Variants in WEE2 observed in about 807,000 individuals in gnomAD.
WEE2 encodes wee1-like protein kinase 2.
Under a neutral mutation model 60.1 loss-of-function variants are expected in WEE2, and 50 were observed. That is an observed-to-expected ratio of 0.83 (90% CI 0.66 to 1.05). WEE2 has a LOEUF of 1.05. Ranked by LOEUF, WEE2 falls within the 50% of genes least tolerant of loss-of-function variation. The pLI is 0.00. For missense variants in WEE2, 631 were observed against 684.3 expected, an observed-to-expected ratio of 0.92 and a Z score of 0.87; for synonymous variants, 240 against 241.0, an observed-to-expected ratio of 1.00 and a Z score of 0.04.
intron 8 of WEE2, 64 bp from the exon 9 acceptor site, chr7:141,724,962 A>G (rs935299189): frequency 5.2e-6 from 8 of 1,546,686 alleles, no homozygotes; most frequent in Non-Finnish European, 6.1e-6. Context: ...CCTACCAGTT[A>G]TATTTTAATC....
chr7:141,725,351 G>A (rs561782024), intron 9 of WEE2, among the ~76,000 whole-genome samples, 155 bp downstream of exon 9: 1 of 152,302 alleles, frequency 6.6e-6, no homozygotes, highest in South Asian at 2.1e-4. Flanking sequence ...GCGGGTCCAG[G>A]CATGGTGGCT....
At chr7:141,723,520 TATTTA>T (rs1179275874) in intron 6 of WEE2, among the ~76,000 whole-genome samples, 1 of 152,138 alleles carries the variant, frequency 6.6e-6, no homozygotes, top group Non-Finnish European at 1.5e-5. Flanking sequence ...TAAAATTAGG[TATTTA>T]ATTTACTACA....
intron 5 of WEE2, among the ~76,000 whole-genome samples, chr7:141,721,524 T>A (rs1453736333): frequency 6.6e-6 from 1 of 151,450 alleles, no homozygotes; most frequent in Non-Finnish European, 1.5e-5. Context: ...AATGGTGTGA[T>A]CTCGGCTCAC....
Position 141,731,179 on chromosome 7 carries a change from TA to T in WEE2, c.*861del, listed in dbSNP as rs2117131659. ...CTTAGTGAATGCAACCTGTTAATGA[TA>T]ATGGCTTTTTCGCTGCTTGATTTTC... On this transcript the variant is annotated 3_prime_UTR_variant, in exon 12 of 12. Transcript: ENST00000397541. 6.6e-6 allele frequency: 1 copy of T among 152,334 alleles called. No individual in the cohort carries two copies. The highest frequency in any genetic ancestry group is 1.9e-4 in the East Asian group (1 of 5,188). 9.4% of individuals were successfully genotyped at this position (152,334 alleles called of 1,614,324 possible). A position where few individuals can be genotyped will look rare whatever the true frequency, so the allele number is the denominator to read the frequency against.
intron 5 of WEE2, among the ~76,000 whole-genome samples, chr7:141,722,116 T>C (rs1584743833): frequency 6.6e-6 from 1 of 152,154 alleles, no homozygotes; most frequent in East Asian, 1.9e-4. Flanking sequence ...TAATTAATAG[T>C]GTTCAGAGGC....
At chr7:141,719,383 A>C in intron 4 of WEE2, 139 bp downstream of exon 4, 26 of 800,804 alleles carry the variant, frequency 3.2e-5, no homozygotes, top group Non-Finnish European at 4.4e-5. Flanking sequence ...ATGTTATCTC[A>C]TATTCATAAC....
chr7:141,724,944 G>C, intron 8 of WEE2, 82 bp from the exon 9 acceptor site: 1 of 1,490,638 alleles, frequency 6.7e-7, no homozygotes, highest in Non-Finnish European at 9.1e-7. Context: ...GCACTCGAAT[G>C]AACCTTTCCT....
chr7:141,716,636 C>T (rs12669057), intron 3 of WEE2, among the ~76,000 whole-genome samples: 2,718 of 152,160 alleles, frequency 0.018, 89 homozygotes, highest in South Asian at 0.15. Flanking sequence ...AGTTGTAACT[C>T]TGCCAGGCAG....
In WEE2 at chr7:141,727,433, G is replaced by A; in HGVS notation, c.1522G>A (p.Ala508Thr). Residue 508 changes from alanine to threonine, a missense_variant, in exon 10 of 12, where the codon GCC becomes ACC. Ala to Thr is a moderately conservative substitution (Grantham distance 58, BLOSUM62 0). Transcript: ENST00000397541. ...GCTGAATTTGGAAAAGTTCAAGACT[G>A]CCACACTGGAAAGGTATATTTTTGG... is the stretch of plus-strand genomic sequence containing the variant. ...QQLNLEKFKT[A>T]TLERELREAQ... The A allele has an allele frequency of 1.2e-6, 2 of 1,614,112 alleles. No individual in the cohort carries two copies. Among genetic ancestry groups the A allele is most frequent in the Non-Finnish European group, 1.7e-6 (2 of 1,180,014 alleles).
chr7:141,723,285 G>A lies in WEE2; in HGVS notation c.1027+5G>A. On this transcript the variant is annotated splice_donor_5th_base_variant and intron_variant, in intron 6 of 11. Coordinates refer to ENST00000397541, the MANE Select transcript of WEE2 (RefSeq NM_001105558.1). ...TACACCTGGACATCAAACCTAGTCA[G>A]TGTGATTCCCTTCTGCCACTTCTAC... The A allele has an allele frequency of 6.2e-7, 1 of 1,612,382 alleles. No homozygotes were observed. Among genetic ancestry groups the A allele is most frequent in the South Asian group, 1.1e-5 (1 of 90,844 alleles).
intron 7 of WEE2, 21 bp from the exon 8 acceptor site, chr7:141,724,169 T>C (rs1409187759): frequency 1.9e-6 from 3 of 1,595,562 alleles, no homozygotes; most frequent in Admixed American, 3.7e-5. Context: ...TTTATTCTTT[T>C]TTCCTTTTTC....
intron 11 of WEE2, among the ~76,000 whole-genome samples, chr7:141,729,963 G>A (rs1799106866): frequency 6.7e-6 from 1 of 149,362 alleles, no homozygotes; most frequent in African/African-American, 2.5e-5. Flanking sequence ...ACTCCAGCCT[G>A]GGCAACAGAG....
chr7:141,710,037 C>T (rs1267435306), intron 1 of WEE2, among the ~76,000 whole-genome samples: 3 of 152,134 alleles, frequency 2.0e-5, no homozygotes, highest in Non-Finnish European at 4.4e-5. Context: ...ACCATGTATA[C>T]CAGGAAATTC....
In WEE2 at chr7:141,708,868, C is replaced by T. The variant is rs746485209; in HGVS notation, c.110C>T (p.Ser37Leu). 79 of 1,614,014 alleles carry T rather than the reference C, an allele frequency of 4.9e-5. No homozygotes were observed. Among genetic ancestry groups the T allele is most frequent in the Non-Finnish European group, 5.6e-5 (66 of 1,180,022 alleles). ...AAAGTAGAAGAAAGCAGGGAGGCTTCGAGCCAAACCCCAGAGAAGGGTGAA... is the reference window on the plus strand; with the variant it reads ...AAAGTAGAAGAAAGCAGGGAGGCTTTGAGCCAAACCCCAGAGAAGGGTGAA... ...QKKVEESREA[S>L]SQTPEKGEVQ... The change falls in exon 1 of 12, where the codon TCG becomes TTG. Residue 37 changes from serine (S) to leucine (L), a missense_variant. Ser to Leu is a moderately radical substitution (Grantham distance 145). Coordinates refer to ENST00000397541, the MANE Select transcript of WEE2 (RefSeq NM_001105558.1).
At chr7:141,726,279 ATTTTTAT>A (rs1191174775) in intron 9 of WEE2, among the ~76,000 whole-genome samples, 2 of 151,864 alleles carry the variant, frequency 1.3e-5, no homozygotes, top group Admixed American at 6.6e-5. Context: ...TTTTATTTTT[ATTTTTAT>A]TTTTTATTTT....
chr7:141,727,015 C>A lies in WEE2; in HGVS notation c.1393-289C>A, dbSNP rs377701693. Among the ~76,000 whole-genome samples the A allele has an allele frequency of 2.6e-5, 4 of 152,252 alleles. No homozygotes were observed. In the South Asian group the frequency reaches 8.3e-4, roughly 32 times the overall value. On this transcript the variant is annotated intron_variant, in intron 9 of 11. Coordinates refer to ENST00000397541, the MANE Select transcript of WEE2 (RefSeq NM_001105558.1). Reference sequence around the variant, plus strand: ...TTCCAGTAATTTGGATAATTTTTATCGAGAGTCTTAGTTTTTTCTGCTTTA... The same window carrying A: ...TTCCAGTAATTTGGATAATTTTTATAGAGAGTCTTAGTTTTTTCTGCTTTA...
intron 11 of WEE2, 92 bp from the exon 12 acceptor site, chr7:141,730,203 A>C: frequency 8.2e-7 from 1 of 1,219,000 alleles, no homozygotes; most frequent in Non-Finnish European, 1.2e-6. Context: ...GGTCCCAGAC[A>C]CAATAATTGG....
chr7:141,722,394 G>T (rs990824780), intron 5 of WEE2, among the ~76,000 whole-genome samples: 4 of 151,996 alleles, frequency 2.6e-5, no homozygotes, highest in Admixed American at 2.6e-4. Flanking sequence ...GACAGAGTGA[G>T]ACTCCGTCTC....
chr7:141,712,888 A>G (rs1798731366), intron 1 of WEE2, among the ~76,000 whole-genome samples: 1 of 152,168 alleles, frequency 6.6e-6, no homozygotes, highest in Non-Finnish European at 1.5e-5. Flanking sequence ...CATTTTGCAA[A>G]TCACATTGAT....
Sources: allele counts gnomAD v4.1 joint callset (sites outside exome capture counted in the v4.1 genomes callset), GRCh38; gene constraint gnomAD v4.1.1; transcripts MANE v1.5; gene names NCBI Gene and HGNC (gene_info 2026-07-23, HGNC 2026-07-21).